PCDHA2: variants seen among roughly 807,000 people sequenced by gnomAD.
PCDHA2 encodes protocadherin alpha-2.
A neutral mutation model predicts 66.0 loss-of-function variants in PCDHA2; 58 were observed. The ratio of observed to expected loss-of-function variants is 0.88; its 90% confidence interval spans 0.71 to 1.09. The LOEUF is 1.09. PCDHA2 is among the 50% of genes least tolerant of loss of function. PCDHA2 has a pLI of 0.00. For missense variants in PCDHA2, 1,267 were observed against 1,242.3 expected, an observed-to-expected ratio of 1.02 and a Z score of -0.30; for synonymous variants, 634 against 554.0, an observed-to-expected ratio of 1.14 and a Z score of -2.03.
chr5:140,929,413 A>G, intron 1 of PCDHA2: 1 of 1,505,438 alleles, frequency 6.6e-7, no homozygotes, highest in Non-Finnish European at 8.9e-7. Context: ...AGCCTTTCAC[A>G]ACATTTCATC....
intron 1 of PCDHA2, among the ~76,000 whole-genome samples, chr5:140,832,240 G>A (rs1297938454): frequency 6.6e-6 from 1 of 152,152 alleles, no homozygotes; most frequent in African/African-American, 2.4e-5. Flanking sequence ...GACTTTTTGT[G>A]TTGTCCATGT....
intron 1 of PCDHA2, chr5:140,823,428 G>A (rs1428807001): frequency 1.2e-6 from 2 of 1,613,204 alleles, no homozygotes; most frequent in East Asian, 2.2e-5. Flanking sequence ...TGACGCTGCA[G>A]GTGTTCGTGC....
chr5:140,840,028 C>T (rs1159245345), intron 1 of PCDHA2, among the ~76,000 whole-genome samples: 2 of 151,974 alleles, frequency 1.3e-5, no homozygotes, highest in Non-Finnish European at 2.9e-5. Context: ...GGTCACGTAG[C>T]GTATCTCCCA....
chr5:140,830,001 T>C, intron 1 of PCDHA2: 1 of 1,613,958 alleles, frequency 6.2e-7, no homozygotes, highest in South Asian at 1.1e-5. Flanking sequence ...ACTCGTGTCC[T>C]GGACGAAGCG....
chr5:140,849,581 C>T lies in PCDHA2; in HGVS notation c.2388+52229C>T. The T allele has an allele frequency of 3.1e-6, 5 of 1,598,698 alleles. 1 individual carries two copies. Among genetic ancestry groups the T allele is most frequent in the Non-Finnish European group, 4.3e-6 (5 of 1,167,986 alleles). On this transcript the variant is annotated intron_variant, in intron 1 of 3. Transcript: ENST00000526136. ...CGCTCTCGGTTCCTGTAAAAGAGGA[C>T]GCACAACTGGGGACAGTTATTGCCC...
At chr5:140,807,454 G>T in intron 1 of PCDHA2, 1 of 1,607,652 alleles carries the variant, frequency 6.2e-7, no homozygotes, top group South Asian at 1.1e-5. Flanking sequence ...TGAATTCTCG[G>T]ATCGACCGGG....
intron 1 of PCDHA2, among the ~76,000 whole-genome samples, chr5:140,908,419 A>G (rs782714084): frequency 6.6e-6 from 1 of 152,196 alleles, no homozygotes; most frequent in Non-Finnish European, 1.5e-5. Context: ...TGATGATGGA[A>G]TGCTGCTGTG....
At chr5:140,798,934 T>C (rs1762377645) in intron 1 of PCDHA2, among the ~76,000 whole-genome samples, 1 of 152,216 alleles carries the variant, frequency 6.6e-6, no homozygotes, top group African/African-American at 2.4e-5. Flanking sequence ...AGAAATAACT[T>C]CCACTAGTGA....
At chr5:140,853,696 TAACGC>T (rs1477764717) in intron 1 of PCDHA2, 1 of 988,156 alleles carries the variant, frequency 1.0e-6, no homozygotes, top group African/African-American at 1.8e-5. Flanking sequence ...TTAGACCTGC[TAACGC>T]ATTAGCATTA....
chr5:140,973,073 C>T (rs1372527958), intron 1 of PCDHA2, among the ~76,000 whole-genome samples: 1 of 151,988 alleles, frequency 6.6e-6, no homozygotes, highest in Non-Finnish European at 1.5e-5. Context: ...TCTCAGTGGG[C>T]CCAGCTGGCA....
Position 140,843,203 on chromosome 5 carries a change from A to T in PCDHA2, c.2388+45851A>T, listed in dbSNP as rs149174279. 6.3e-7 allele frequency: 1 copy of T among 1,595,824 alleles called. No homozygotes were observed. The highest frequency in any genetic ancestry group is 1.3e-5 in the African/African-American group (1 of 74,416). ...CATCCCGTTCCGCGTGGGGCTGTAC[A>T]CGGGCGAGATCAGCACCACTCGTGT... On this transcript the variant is annotated intron_variant, in intron 1 of 3. Transcript: ENST00000526136.
intron 1 of PCDHA2, chr5:140,967,981 G>C: frequency 6.2e-7 from 1 of 1,614,202 alleles, no homozygotes; most frequent in Non-Finnish European, 8.5e-7. Flanking sequence ...TGGGTCTGGA[G>C]GCCACACTGC....
At chr5:140,895,454 G>T (rs1554186522) in intron 1 of PCDHA2, among the ~76,000 whole-genome samples, 1 of 151,918 alleles carries the variant, frequency 6.6e-6, no homozygotes, top group Non-Finnish European at 1.5e-5. Context: ...TGTGCTTATT[G>T]GTCATTTCTT....
rs74815082 is a variant in PCDHA2 at position 140,803,860 on chromosome 5, A to T, written c.2388+6508A>T. The T allele has an allele frequency of 3.6e-3, 2,073 of 576,070 alleles. 38 individuals carry two copies. Among genetic ancestry groups the T allele is most frequent in the African/African-American group, 0.035 (1,889 of 53,256 alleles). 35.7% of individuals were successfully genotyped at this position (576,070 alleles called of 1,614,324 possible). The stretch of plus-strand genomic sequence containing the variant: ...TTATTTTATTGCTAAATGCCTGGGT[A>T]TAAGACAAATATTTTTTCTTAGATG... On this transcript the variant is annotated intron_variant, in intron 1 of 3. Transcript: ENST00000526136.
chr5:140,981,335 AG>A (rs2096927378), intron 2 of PCDHA2, among the ~76,000 whole-genome samples: 3 of 152,168 alleles, frequency 2.0e-5, no homozygotes, highest in Non-Finnish European at 4.4e-5. Context: ...GCACTTTGGG[AG>A]GGTGAGGCAG....
intron 1 of PCDHA2, chr5:140,836,883 T>C (rs2150270944): frequency 6.1e-6 from 4 of 659,750 alleles, no homozygotes; most frequent in Non-Finnish European, 9.8e-6. Flanking sequence ...TTTGCACTAA[T>C]TATTTGGAAG....
chr5:140,822,816 A>C, intron 1 of PCDHA2: 1 of 1,614,198 alleles, frequency 6.2e-7, no homozygotes, highest in Non-Finnish European at 8.5e-7. Context: ...ATAATACCCC[A>C]GAGATGGCCA....
At chr5:140,922,841 A>G (rs982832745) in intron 1 of PCDHA2, among the ~76,000 whole-genome samples, 67 of 152,372 alleles carry the variant, frequency 4.4e-4, no homozygotes, top group African/African-American at 1.5e-3. Flanking sequence ...GATGTCCTCA[A>G]AGAGACCAAA....
chr5:140,986,572 G>T (rs1587171327), intron 3 of PCDHA2, among the ~76,000 whole-genome samples: 1 of 152,268 alleles, frequency 6.6e-6, no homozygotes, highest in East Asian at 1.9e-4. Context: ...TCTGTTATTG[G>T]TTTTTCCAGC....
Sources: gnomAD v4.1 joint callset for allele counts (sites outside exome capture counted in the v4.1 genomes callset) on GRCh38, gnomAD v4.1.1 for gene constraint, MANE v1.5 for transcripts, NCBI Gene and HGNC (gene_info 2026-07-23, HGNC 2026-07-21) for gene names.